The following ANKFY1 variants were observed in gnomAD, a reference collection of about 807,000 sequenced individuals.
The protein encoded by ANKFY1 is ankyrin repeat and FYVE domain-containing protein 1.
In ANKFY1, 47 loss-of-function variants were observed where a neutral mutation model predicts 128.3. That is an observed-to-expected ratio of 0.37 (90% CI 0.29 to 0.47). The LOEUF is 0.47. Among genes scored for constraint, ANKFY1 ranks in the 20% least tolerant of loss-of-function variants. ANKFY1 has a pLI of 1.00. For missense variants in ANKFY1, 1,222 were observed against 1,510.6 expected (o/e 0.81, Z 3.17); for synonymous variants, 553 against 601.6 (o/e 0.92, Z 1.18).
rs2059943697 is a variant in ANKFY1 at position 4,202,356 on chromosome 17, G to A, written c.898+3965C>T. 2.7e-5 allele frequency among the ~76,000 whole-genome samples: 4 copies of A among 146,108 alleles called. No homozygotes were observed. In the South Asian group the frequency reaches 8.6e-4, roughly 31 times the overall value. ...GCGGAGGTTGCAGTGAGCCGAGATTGCAGCACTGCACTGCAGCCTGGGTGA... is the reference window on the plus strand; with the variant it reads ...GCGGAGGTTGCAGTGAGCCGAGATTACAGCACTGCACTGCAGCCTGGGTGA... On this transcript the variant is annotated intron_variant, in intron 7 of 24. Transcript: ENST00000341657.
intron 12 of ANKFY1, 90 bp downstream of exon 12, chr17:4,184,728 C>G: frequency 1.4e-6 from 2 of 1,417,190 alleles, no homozygotes; most frequent in Non-Finnish European, 2.0e-6. Flanking sequence ...ATATGAAACT[C>G]ACCAACAGAA....
chr17:4,208,628 G>C (rs2060068982), intron 5 of ANKFY1, among the ~76,000 whole-genome samples: 1 of 152,192 alleles, frequency 6.6e-6, no homozygotes, highest in Admixed American at 6.5e-5. Flanking sequence ...TTAAAATCCA[G>C]TTCTTTAGCC....
chr17:4,203,101 C>A (rs2059963036), intron 7 of ANKFY1, among the ~76,000 whole-genome samples: 1 of 151,760 alleles, frequency 6.6e-6, no homozygotes, highest in Admixed American at 6.6e-5. Context: ...AGGAAAAGGA[C>A]AACTGATATC....
chr17:4,209,968 T>G (rs758460106), intron 4 of ANKFY1, 21 bp from the exon 5 acceptor site: 2 of 1,600,944 alleles, frequency 1.2e-6, no homozygotes, highest in Admixed American at 3.3e-5. Context: ...GTATTCATCA[T>G]GAGGAGTATT....
At chr17:4,173,131 C>T (rs2059352251) in intron 21 of ANKFY1, among the ~76,000 whole-genome samples, 1 of 152,252 alleles carries the variant, frequency 6.6e-6, no homozygotes, top group African/African-American at 2.4e-5. Flanking sequence ...GCTGGGATTA[C>T]AGGCGCGAGC....
chr17:4,217,027 C>T lies in ANKFY1; in HGVS notation c.414G>A (p.Leu138=), dbSNP rs2060231559. The T allele has an allele frequency of 1.2e-6, 2 of 1,614,072 alleles. No homozygotes were observed. The highest frequency in any genetic ancestry group is 1.7e-5 in the Admixed American group (1 of 60,008). The stretch of plus-strand genomic sequence containing the variant: ...GCTGAAACCGATTTGCTAGTTTCAT[C>T]AGTTCAGTCAGGAACACATCATCCT... ...FREDDVFLTE[L]MKLANRFQLQ... Residue 138 remains leucine (L), a synonymous_variant, in exon 4 of 25, where the codon CTG becomes CTA. Transcript: ENST00000341657.
rs1010014782 is a variant in ANKFY1 at position 4,199,415 on chromosome 17, C to T, written c.899-1838G>A. Among the ~76,000 whole-genome samples, 7 of 152,288 alleles carry T rather than the reference C, an allele frequency of 4.6e-5. No homozygotes were observed. In the South Asian group the frequency reaches 6.2e-4, roughly 14 times the overall value. ...CCATGTTGCCCAGGCTGGTCTCCAA[C>T]CCCTGGGCTGAAGGGATCCACCTGT... On this transcript the variant is annotated intron_variant, in intron 7 of 24. Coordinates refer to ENST00000341657, the MANE Select transcript of ANKFY1 (RefSeq NM_001330063.2).
chr17:4,188,246 G>A (rs959581983), intron 11 of ANKFY1: 1 of 152,462 alleles, frequency 6.6e-6, no homozygotes, highest in Non-Finnish European at 1.5e-5. Context: ...TGTCACTCTG[G>A]CTGGAGAGTT....
At position 4,169,748 on chromosome 17, in the gene ANKFY1, C is replaced by T. The variant is rs578250662; in HGVS notation, c.3287-460G>A. On this transcript the variant is annotated intron_variant, in intron 23 of 24. Transcript: ENST00000341657. The surrounding 1 kb of genome is among the most constrained non-coding windows in gnomAD (Gnocchi z 5.0). The stretch of plus-strand genomic sequence containing the variant: ...AAGACACGGGTGATTTCCAGGCTTC[C>T]GGAGAGTGCCTGGGTCTGCAGTGGG... Among the ~76,000 whole-genome samples, 4 of 152,286 alleles carry T rather than the reference C, an allele frequency of 2.6e-5. No individual in the cohort carries two copies. The highest frequency in any genetic ancestry group is 1.9e-4 in the East Asian group (1 of 5,188).
At chr17:4,212,218 C>T (rs1328883208) in intron 4 of ANKFY1, among the ~76,000 whole-genome samples, 1 of 152,226 alleles carries the variant, frequency 6.6e-6, no homozygotes, top group Non-Finnish European at 1.5e-5. Flanking sequence ...TTCCTGACAT[C>T]CACCATTGTT....
At chr17:4,174,135 C>A in intron 19 of ANKFY1, 79 bp from the exon 20 acceptor site, 1 of 1,523,592 alleles carries the variant, frequency 6.6e-7, no homozygotes, top group South Asian at 1.2e-5. Flanking sequence ...GCCTGCTTGT[C>A]TTCTGACACC....
intron 19 of ANKFY1, among the ~76,000 whole-genome samples, chr17:4,175,206 A>T (rs2059391114): frequency 6.6e-6 from 1 of 151,624 alleles, no homozygotes; most frequent in Non-Finnish European, 1.5e-5. Flanking sequence ...AATGGTGTGC[A>T]CCTGTAATCA....
chr17:4,196,191 A>T (rs966539147), intron 8 of ANKFY1, among the ~76,000 whole-genome samples: 2 of 115,432 alleles, frequency 1.7e-5, no homozygotes, highest in African/African-American at 6.2e-5. Flanking sequence ...ACACACACAC[A>T]CTGCGAGTTT....
chr17:4,202,590 G>A (rs1412022284), intron 7 of ANKFY1, among the ~76,000 whole-genome samples: 5 of 149,346 alleles, frequency 3.3e-5, no homozygotes, highest in South Asian at 2.1e-4. Flanking sequence ...CCAGCTACAC[G>A]GGAGGCTGAG....
chr17:4,229,360 G>A (rs1168002337), intron 3 of ANKFY1, among the ~76,000 whole-genome samples: 1 of 151,800 alleles, frequency 6.6e-6, no homozygotes, highest in Admixed American at 6.6e-5. Flanking sequence ...GGAGGTGGAG[G>A]TTGCAGTGAG....
chr17:4,241,564 G>A (rs1192581236), intron 2 of ANKFY1, among the ~76,000 whole-genome samples: 3 of 151,556 alleles, frequency 2.0e-5, no homozygotes, highest in Admixed American at 6.6e-5. Flanking sequence ...ATGAGCCACC[G>A]TGCCCAGCCC....
chr17:4,191,292 T>C (rs892770385), intron 10 of ANKFY1: 1 of 152,278 alleles, frequency 6.6e-6, no homozygotes, highest in Non-Finnish European at 1.5e-5. Context: ...AGACTCCTAG[T>C]TGATGGTTAA....
intron 4 of ANKFY1, among the ~76,000 whole-genome samples, chr17:4,211,912 A>G (rs2060138545): frequency 5.0e-5 from 1 of 19,810 alleles, no homozygotes; most frequent in African/African-American, 5.4e-5. Flanking sequence ...AAAAACAAAC[A>G]AACAAACAAA....
intron 24 of ANKFY1, 156 bp from the exon 25 acceptor site, chr17:4,168,067 G>A (rs2142998446): frequency 4.3e-6 from 3 of 701,998 alleles, no homozygotes; most frequent in East Asian, 6.2e-5. Context: ...CACAATTCAT[G>A]TAGAATTTTT....
Sources: allele counts gnomAD v4.1 joint callset (sites outside exome capture counted in the v4.1 genomes callset), GRCh38; gene constraint gnomAD v4.1.1; non-coding constraint Gnocchi (gnomAD v3.1); transcripts MANE v1.5; gene names NCBI Gene and HGNC (gene_info 2026-07-23, HGNC 2026-07-21).